The following CAPRIN1 variants were observed in gnomAD, a reference collection of about 807,000 sequenced individuals.
The protein encoded by CAPRIN1 is cell cycle associated protein 1, also known as caprin-1.
In CAPRIN1, 29 loss-of-function variants were observed where a neutral mutation model predicts 100.9. The observed-to-expected ratio is 0.29, with a 90% CI of 0.21 to 0.39. The LOEUF is 0.39. CAPRIN1 is among the 10% of genes least tolerant of loss of function. The pLI, the probability that CAPRIN1 is intolerant of heterozygous loss-of-function variation, is 1.00. For synonymous variants in CAPRIN1, 338 were observed against 307.5 expected (o/e 1.10, Z -1.04); for missense variants, 795 against 876.7 (o/e 0.91, Z 1.18).
intron 2 of CAPRIN1, among the ~76,000 whole-genome samples, chr11:34,059,387 G>A (rs1231319510): frequency 2.6e-5 from 4 of 151,652 alleles, no homozygotes; most frequent in African/African-American, 9.7e-5. Context: ...TCTTGCCTCA[G>A]CCTCCTGAGT....
chr11:34,053,655 T>C (rs998567906), intron 2 of CAPRIN1: 7 of 152,172 alleles, frequency 4.6e-5, no homozygotes, highest in African/African-American at 1.4e-4. Flanking sequence ...TTAGTCCTTG[T>C]AGATCAAACT....
chr11:34,092,774 G>T (rs1225771995), intron 15 of CAPRIN1, among the ~76,000 whole-genome samples: 2 of 152,180 alleles, frequency 1.3e-5, no homozygotes, highest in African/African-American at 2.4e-5. Flanking sequence ...CGTGGACTGG[G>T]TTGAAACATA....
At chr11:34,072,043 T>C (rs1452737360) in intron 4 of CAPRIN1, 56 bp downstream of exon 4, 3 of 1,199,478 alleles carry the variant, frequency 2.5e-6, no homozygotes, top group Non-Finnish European at 3.6e-6. Context: ...TCTTTGGGTT[T>C]TAGTCCTTCC....
Position 34,051,850 on chromosome 11 carries a change from C to T in CAPRIN1, c.-22C>T, listed in dbSNP as rs1233057280. On this transcript the variant is annotated 5_prime_UTR_variant, in exon 1 of 19. Coordinates refer to ENST00000341394, the MANE Select transcript of CAPRIN1 (RefSeq NM_005898.5). ...CCCTCAGCTGCCCACTCGTGATTTC[C>T]AGCGGCCTCCGCGCGCGCACGGTGA... The T allele has an allele frequency of 6.5e-6, 1 of 152,690 alleles. No individual in the cohort carries two copies. Among genetic ancestry groups the T allele is most frequent in the Non-Finnish European group, 1.5e-5 (1 of 68,454 alleles). 9.5% of individuals were successfully genotyped at this position (152,690 alleles called of 1,614,324 possible). A position where few individuals can be genotyped will look rare whatever the true frequency, so the allele number is the denominator to read the frequency against.
chr11:34,086,046 C>G lies in CAPRIN1; in HGVS notation c.967-18C>G. ...TTTTGCTCTCCTATTCCTTCTAATC[C>G]TTTTTTTTCTACCTTAGGTGGTAAA... On this transcript the variant is annotated intron_variant, in intron 9 of 18. Transcript: ENST00000341394. The G allele has an allele frequency of 6.2e-7, 1 of 1,609,834 alleles. No homozygotes were observed. The highest frequency in any genetic ancestry group is 1.1e-5 in the South Asian group (1 of 90,618).
At chr11:34,082,565 AC>A (rs1272697316) in intron 7 of CAPRIN1, among the ~76,000 whole-genome samples, 2 of 152,080 alleles carry the variant, frequency 1.3e-5, no homozygotes, top group East Asian at 1.9e-4. Flanking sequence ...TTTACTTTCT[AC>A]CCTCACAGAT....
chr11:34,056,768 T>TATATTC (rs1850461024), intron 2 of CAPRIN1, among the ~76,000 whole-genome samples: 1 of 152,230 alleles, frequency 6.6e-6, no homozygotes. Flanking sequence ...TTAAAATTGT[T>TATATTC]ATATTCTTTG....
At chr11:34,089,126 G>A (rs922662446) in intron 11 of CAPRIN1, among the ~76,000 whole-genome samples, 1 of 151,016 alleles carries the variant, frequency 6.6e-6, no homozygotes, top group African/African-American at 2.4e-5. Flanking sequence ...AATATTATCC[G>A]AGTGTGGTGG....
chr11:34,066,559 C>G (rs1850699672), intron 2 of CAPRIN1, among the ~76,000 whole-genome samples: 2 of 151,628 alleles, frequency 1.3e-5, no homozygotes, highest in Admixed American at 6.6e-5. Context: ...GTCTCGAACT[C>G]CTGACCTTGT....
chr11:34,086,223 T>A lies in CAPRIN1; in HGVS notation c.1122+4T>A, dbSNP rs754583192. The A allele has an allele frequency of 2.5e-6, 4 of 1,613,456 alleles. No individual in the cohort carries two copies. Among genetic ancestry groups the A allele is most frequent in the Middle Eastern group, 1.6e-4 (1 of 6,084 alleles). On this transcript the variant is annotated splice_donor_region_variant and intron_variant, in intron 10 of 18. Coordinates refer to ENST00000341394, the MANE Select transcript of CAPRIN1 (RefSeq NM_005898.5). ...GGGTCCCTATAATTTCATACAGGTA[T>A]GTTCATTTTAGTCAGACTCTGTAAC...
intron 16 of CAPRIN1, 60 bp from the exon 17 acceptor site, chr11:34,097,133 TAAA>T (rs1354173573): frequency 2.5e-6 from 3 of 1,195,474 alleles, no homozygotes; most frequent in Non-Finnish European, 3.7e-6. Flanking sequence ...TCTTCATTAA[TAAA>T]AAAGTAAAAA....
intron 9 of CAPRIN1, among the ~76,000 whole-genome samples, chr11:34,085,803 C>CT (rs1851128800): frequency 6.6e-6 from 1 of 150,728 alleles, no homozygotes; most frequent in Admixed American, 6.6e-5. Context: ...GATTCCGTCT[C>CT]GAAAGAAAAA....
intron 9 of CAPRIN1, 28 bp downstream of exon 9, chr11:34,083,069 T>C: frequency 4.1e-6 from 6 of 1,477,102 alleles, no homozygotes; most frequent in East Asian, 2.3e-5. Flanking sequence ...TGCAAAGTTG[T>C]TGTCTTTGTC....
intron 2 of CAPRIN1, among the ~76,000 whole-genome samples, chr11:34,059,634 G>A (rs1007012401): frequency 1.6e-4 from 24 of 152,070 alleles, no homozygotes; most frequent in Admixed American, 1.0e-3. Flanking sequence ...ACTTTGCTGC[G>A]CTTTCTCACA....
Position 34,077,681 on chromosome 11 carries a change from A to G in CAPRIN1, c.688+1039A>G, listed in dbSNP as rs566392414. On this transcript the variant is annotated intron_variant, in intron 6 of 18. Coordinates refer to ENST00000341394, the MANE Select transcript of CAPRIN1 (RefSeq NM_005898.5). Reference sequence around the variant, plus strand: ...TATCTGTATTTATGCATTTTTAGCTATTGGTTGAAAAGAAATCAGATTGGA... The same window carrying G: ...TATCTGTATTTATGCATTTTTAGCTGTTGGTTGAAAAGAAATCAGATTGGA... Among the ~76,000 whole-genome samples the G allele has an allele frequency of 4.7e-4, 72 of 152,314 alleles. 2 individuals are homozygous for G. The highest frequency in any genetic ancestry group is 4.1e-3 in the South Asian group (20 of 4,830).
At chr11:34,066,954 C>T (rs1438373537) in intron 2 of CAPRIN1, among the ~76,000 whole-genome samples, 1 of 139,790 alleles carries the variant, frequency 7.2e-6, no homozygotes, top group Non-Finnish European at 1.5e-5. Context: ...TTTTTTAAGA[C>T]AGTCTTACTC....
intron 1 of CAPRIN1, 185 bp downstream of exon 1, chr11:34,052,056 G>T (rs1850318172): frequency 6.7e-6 from 1 of 149,730 alleles, no homozygotes; most frequent in South Asian, 2.1e-4. Flanking sequence ...CCCTTCTCCG[G>T]AAGCCGGCAA....
intron 2 of CAPRIN1, among the ~76,000 whole-genome samples, chr11:34,061,969 C>CAAAA (rs3073356): frequency 1.8e-4 from 21 of 118,168 alleles, no homozygotes; most frequent in South Asian, 5.8e-4. Context: ...GAGTCTGTCT[C>CAAAA]AAAAAAAAAA....
In CAPRIN1 at chr11:34,074,279, A is replaced by C. The variant is rs181315568; in HGVS notation, c.367-1957A>C. Among the ~76,000 whole-genome samples, 52 of 152,144 alleles carry C rather than the reference A, an allele frequency of 3.4e-4. 1 individual carries two copies. The East Asian group carries it at 9.6e-3, about 28-fold the overall frequency. ...AAGTTACTATCACTGTGTAATGAAA[A>C]TACCTGTATCCTTTTTTGCTTCTCT... is the stretch of plus-strand genomic sequence containing the variant. On this transcript the variant is annotated intron_variant, in intron 4 of 18. Coordinates refer to ENST00000341394, the MANE Select transcript of CAPRIN1 (RefSeq NM_005898.5).
Sources: allele counts gnomAD v4.1 joint callset (sites outside exome capture counted in the v4.1 genomes callset), GRCh38; gene constraint gnomAD v4.1.1; transcripts MANE v1.5; gene names NCBI Gene and HGNC (gene_info 2026-07-23, HGNC 2026-07-21).